TBC1D22A: variants seen among roughly 807,000 people sequenced by gnomAD.
TBC1D22A encodes the protein TBC1 domain family member 22A.
Under a neutral mutation model 60.2 loss-of-function variants are expected in TBC1D22A, and 38 were observed. The observed-to-expected ratio is 0.63, with a 90% CI of 0.49 to 0.83. The LOEUF (loss-of-function observed/expected upper bound fraction) is 0.83, where lower values mean the gene tolerates loss of function less well. TBC1D22A is among the 40% of genes least tolerant of loss of function. The pLI, the probability that TBC1D22A is intolerant of heterozygous loss-of-function variation, is 0.00. For synonymous variants in TBC1D22A, 302 were observed against 281.7 expected (o/e 1.07, Z -0.72); for missense variants, 628 against 701.0 (o/e 0.90, Z 1.18).
At chr22:46,854,392 C>T (rs1438316838) in intron 4 of TBC1D22A, among the ~76,000 whole-genome samples, 1 of 152,204 alleles carries the variant, frequency 6.6e-6, no homozygotes, top group Non-Finnish European at 1.5e-5. Context: ...TTCCCGTTCC[C>T]TGCTCCTCCT....
chr22:46,832,432 C>T (rs765619279), intron 4 of TBC1D22A, among the ~76,000 whole-genome samples: 3 of 152,168 alleles, frequency 2.0e-5, no homozygotes, highest in Non-Finnish European at 2.9e-5. Flanking sequence ...GAGTGGATCA[C>T]GAGGTCAGGA....
chr22:46,967,953 C>G (rs1007810340), intron 8 of TBC1D22A, among the ~76,000 whole-genome samples: 1 of 152,166 alleles, frequency 6.6e-6, no homozygotes, highest in African/African-American at 2.4e-5. Flanking sequence ...CTGGTAATTA[C>G]AAGCTACGAT....
chr22:47,015,214 A>G (rs1363666230), intron 10 of TBC1D22A, among the ~76,000 whole-genome samples: 4 of 152,188 alleles, frequency 2.6e-5, no homozygotes, highest in Admixed American at 2.0e-4. Flanking sequence ...TATGTCAGCC[A>G]TGGGCTTGGT....
intron 9 of TBC1D22A, among the ~76,000 whole-genome samples, chr22:46,984,044 T>TG (rs1349882368): frequency 1.3e-5 from 2 of 152,010 alleles, no homozygotes; most frequent in African/African-American, 4.8e-5. Flanking sequence ...TCCCTCTCTC[T>TG]GGGGGTTTAA....
chr22:46,823,610 G>A (rs566189946), intron 4 of TBC1D22A, among the ~76,000 whole-genome samples: 18 of 152,284 alleles, frequency 1.2e-4, no homozygotes, highest in African/African-American at 4.1e-4. Flanking sequence ...CACCACTTAC[G>A]GGGAGGATTC....
chr22:47,108,506 A>G (rs1005910720), intron 11 of TBC1D22A, among the ~76,000 whole-genome samples: 1 of 152,226 alleles, frequency 6.6e-6, no homozygotes, highest in African/African-American at 2.4e-5. Flanking sequence ...AAGCTAATGT[A>G]TAGTGACACA....
chr22:47,098,983 G>A (rs922654282), intron 11 of TBC1D22A, among the ~76,000 whole-genome samples: 5 of 152,164 alleles, frequency 3.3e-5, no homozygotes, highest in Non-Finnish European at 7.3e-5. Flanking sequence ...CCCTGACTGC[G>A]GGGGCTCCTG....
intron 1 of TBC1D22A, among the ~76,000 whole-genome samples, chr22:46,791,239 C>T (rs535909465): frequency 1.3e-5 from 2 of 152,034 alleles, no homozygotes; most frequent in Non-Finnish European, 2.9e-5. Flanking sequence ...CCAGGCTGGT[C>T]CTAAACTCCT....
chr22:47,173,886 C>T lies in TBC1D22A; in HGVS notation c.*260C>T. On this transcript the variant is annotated 3_prime_UTR_variant, in exon 13 of 13. Coordinates refer to ENST00000337137, the MANE Select transcript of TBC1D22A (RefSeq NM_014346.5). ...GCGGCCAGAGGCAGGTCAGGGGTCC[C>T]CTCTCCCTCTCCCTGCAATGTCCTT... 1 of 424,314 alleles carries T rather than the reference C, an allele frequency of 2.4e-6. No homozygotes were observed. The highest frequency in any genetic ancestry group is 3.8e-5 in the Admixed American group (1 of 26,574). The allele number at this position is 424,314 out of a possible 1,614,324, so 26.3% of individuals were successfully genotyped here.
At chr22:46,778,325 A>AT in intron 1 of TBC1D22A, among the ~76,000 whole-genome samples, 1 of 152,222 alleles carries the variant, frequency 6.6e-6, no homozygotes, top group African/African-American at 2.4e-5. Context: ...AAACGTTTTG[A>AT]TTTTTAAAAA....
intron 12 of TBC1D22A, among the ~76,000 whole-genome samples, chr22:47,161,921 T>C (rs1189323080): frequency 1.3e-5 from 2 of 152,212 alleles, no homozygotes; most frequent in African/African-American, 4.8e-5. Context: ...TTTTTCGGGG[T>C]GGTAGCAAGC....
chr22:46,920,053 T>TGTATGTA (rs1555949316), intron 8 of TBC1D22A, among the ~76,000 whole-genome samples: 3 of 56,600 alleles, frequency 5.3e-5, no homozygotes, highest in African/African-American at 4.3e-4. Context: ...ATATATGTGT[T>TGTATGTA]TGTTTGTATG....
At chr22:46,974,799 C>T (rs553988267) in intron 9 of TBC1D22A, among the ~76,000 whole-genome samples, 5 of 152,344 alleles carry the variant, frequency 3.3e-5, no homozygotes, top group Admixed American at 6.5e-5. Flanking sequence ...TGACACCAGG[C>T]TGTGAGCCCT....
intron 8 of TBC1D22A, among the ~76,000 whole-genome samples, chr22:46,924,948 G>T (rs1473549177): frequency 6.6e-6 from 1 of 152,106 alleles, no homozygotes; most frequent in Non-Finnish European, 1.5e-5. Flanking sequence ...ATGAGAGGAT[G>T]AACGCAGAGA....
In TBC1D22A at chr22:47,028,392, G is replaced by A. The variant is rs925083822; in HGVS notation, c.1202-8679G>A. On this transcript the variant is annotated intron_variant, in intron 10 of 12. Coordinates refer to ENST00000337137, the MANE Select transcript of TBC1D22A (RefSeq NM_014346.5). This position sits in a 1 kb window ranked among gnomAD's most constrained non-coding sequence, Gnocchi z 4.4. Reference sequence around the variant, plus strand: ...GTGAGTGGTCGCATTCCTGTCCCTCGGTCCCTGTCCCCCACGGCCCAGGTT... The same window carrying A: ...GTGAGTGGTCGCATTCCTGTCCCTCAGTCCCTGTCCCCCACGGCCCAGGTT... Among the ~76,000 whole-genome samples the A allele has an allele frequency of 4.8e-5, 7 of 146,644 alleles. No homozygotes were observed. Among genetic ancestry groups the A allele is most frequent in the East Asian group, 2.0e-4 (1 of 4,960 alleles).
chr22:47,013,004 C>G (rs1032719213), intron 10 of TBC1D22A, among the ~76,000 whole-genome samples: 1 of 152,294 alleles, frequency 6.6e-6, no homozygotes, highest in East Asian at 1.9e-4. Context: ...CAGTTACAGC[C>G]GAGCTGGGGT....
intron 11 of TBC1D22A, among the ~76,000 whole-genome samples, chr22:47,075,036 G>C (rs2064146580): frequency 6.6e-6 from 1 of 152,000 alleles, no homozygotes; most frequent in Non-Finnish European, 1.5e-5. Flanking sequence ...ATCCTGGCTA[G>C]CACAGTGAAA....
intron 8 of TBC1D22A, among the ~76,000 whole-genome samples, chr22:46,948,073 T>G (rs2072660952): frequency 6.6e-6 from 1 of 152,194 alleles, no homozygotes; most frequent in Non-Finnish European, 1.5e-5. Flanking sequence ...AACATGCCTT[T>G]GGAGGGCGGC....
chr22:46,834,183 A>G (rs2086423291), intron 4 of TBC1D22A, among the ~76,000 whole-genome samples: 1 of 152,186 alleles, frequency 6.6e-6, no homozygotes, highest in Non-Finnish European at 1.5e-5. Context: ...AAAATAGGGA[A>G]GAGACTCAAG....
Sources: gnomAD v4.1 joint callset for allele counts (sites outside exome capture counted in the v4.1 genomes callset) on GRCh38, gnomAD v4.1.1 for gene constraint, Gnocchi (gnomAD v3.1) non-coding constraint, MANE v1.5 for transcripts, NCBI Gene and HGNC (gene_info 2026-07-23, HGNC 2026-07-21) for gene names.